The following SH2D4A variants were observed in gnomAD, a reference collection of about 807,000 sequenced individuals.
SH2D4A encodes SH2 domain-containing protein 4A.
SH2D4A carries 70 observed loss-of-function variants against 64.7 expected under a neutral mutation model. The observed-to-expected ratio is 1.08, with a 90% confidence interval of 0.89 to 1.32. The LOEUF is 1.32. SH2D4A is among the 40% of genes most tolerant of loss of function. The pLI is 0.00. For synonymous variants in SH2D4A, 268 were observed against 200.7 expected (o/e 1.34, Z -2.83); for missense variants, 706 against 540.1 (o/e 1.31, Z -3.04).
chr8:19,367,084 A>C (rs950298316), intron 7 of SH2D4A, among the ~76,000 whole-genome samples: 6 of 150,038 alleles, frequency 4.0e-5, no homozygotes, highest in Non-Finnish European at 7.4e-5. Flanking sequence ...AAATGACAGG[A>C]TATTATACTT....
At chr8:19,313,967 A>C (rs1283419987) in intron 1 of SH2D4A, 144 bp downstream of exon 1, 2 of 1,258,042 alleles carry the variant, frequency 1.6e-6, no homozygotes, top group African/African-American at 1.6e-5. Context: ...CCCCGCCTCC[A>C]CCCCTTCGCG....
intron 1 of SH2D4A, among the ~76,000 whole-genome samples, chr8:19,317,993 C>A (rs2052119237): frequency 1.3e-5 from 2 of 152,026 alleles, no homozygotes. Context: ...CCTCTGCGTC[C>A]TAGGTTCAAG....
At chr8:19,341,925 C>T (rs1215009561) in intron 4 of SH2D4A, among the ~76,000 whole-genome samples, 1 of 151,776 alleles carries the variant, frequency 6.6e-6, no homozygotes, top group African/African-American at 2.4e-5. Flanking sequence ...TCAGAATGCA[C>T]TTCTTACCAG....
rs117786890 is a variant in SH2D4A, at chr8:19,393,430, G to A, written c.1161G>A (p.Ser387=). ...RIKGYALSYL[S]EDGCKHFLID... ...AAGGCTATGCCCTGTCCTATCTGTC[G>A]GAGGACGGCTGTAAACATTTCCTCA... is the stretch of plus-strand genomic sequence containing the variant. Residue 387 remains serine, a synonymous_variant, in exon 9 of 10, where the codon TCG becomes TCA. Coordinates refer to ENST00000265807, the MANE Select transcript of SH2D4A (RefSeq NM_022071.4). 6,821 of 1,614,190 alleles carry A rather than the reference G, an allele frequency of 4.2e-3. 17 individuals are homozygous for A. Among genetic ancestry groups the A allele is most frequent in the Non-Finnish European group, 5.3e-3 (6,270 of 1,180,028 alleles).
chr8:19,313,714 G>A lies in SH2D4A; in HGVS notation c.-314G>A, dbSNP rs1176425033. On this transcript the variant is annotated 5_prime_UTR_variant, in exon 1 of 10. Coordinates refer to ENST00000265807, the MANE Select transcript of SH2D4A (RefSeq NM_022071.4). ...CGGAGTATTTGCTCAGCCCGCCTGC[G>A]CCGCTTGGGACGCCTCTGCCTTTCC... is the stretch of plus-strand genomic sequence containing the variant. 8.7e-6 allele frequency: 13 copies of A among 1,489,176 alleles called. No individual in the cohort carries two copies. The highest frequency in any genetic ancestry group is 2.9e-5 in the African/African-American group (2 of 69,034). The allele number at this position is 1,489,176 out of a possible 1,614,324, so 92.2% of individuals were successfully genotyped here.
At chr8:19,379,938 G>A (rs999043045) in intron 8 of SH2D4A, among the ~76,000 whole-genome samples, 3 of 152,020 alleles carry the variant, frequency 2.0e-5, no homozygotes, top group Admixed American at 6.6e-5. Flanking sequence ...ATCTCACTGT[G>A]TTGCTCAGGC....
chr8:19,341,872 A>G (rs960696043), intron 4 of SH2D4A, among the ~76,000 whole-genome samples: 1 of 151,492 alleles, frequency 6.6e-6, no homozygotes, highest in East Asian at 1.9e-4. Flanking sequence ...GATCATCACG[A>G]GAAACTGTGC....
intron 2 of SH2D4A, among the ~76,000 whole-genome samples, chr8:19,325,980 A>G (rs2052272731): frequency 6.6e-6 from 1 of 152,148 alleles, no homozygotes; most frequent in African/African-American, 2.4e-5. Flanking sequence ...GCAACTTCAC[A>G]TCCCTGCTTG....
chr8:19,313,961 G>A lies in SH2D4A; in HGVS notation c.-205+138G>A, dbSNP rs887198205. The A allele has an allele frequency of 4.7e-6, 6 of 1,263,888 alleles. No individual in the cohort carries two copies. The South Asian group carries it at 1.4e-4, about 30-fold the overall frequency. The allele number at this position is 1,263,888 out of a possible 1,614,324, so 78.3% of individuals were successfully genotyped here. A position where few individuals can be genotyped will look rare whatever the true frequency, so the allele number is the denominator to read the frequency against. ...GCGGGCGGGCGGAAGCCTCACCCCC[G>A]CCTCCACCCCTTCGCGGCGCCCGGG... On this transcript the variant is annotated intron_variant, in intron 1 of 9. Transcript: ENST00000265807.
At chr8:19,342,334 A>C (rs2052542258) in intron 4 of SH2D4A, among the ~76,000 whole-genome samples, 2 of 152,228 alleles carry the variant, frequency 1.3e-5, no homozygotes, top group Non-Finnish European at 2.9e-5. Context: ...TTACTTCTTC[A>C]TTATCCTTCC....
At chr8:19,360,429 C>G (rs1365416068) in intron 5 of SH2D4A, among the ~76,000 whole-genome samples, 1 of 151,450 alleles carries the variant, frequency 6.6e-6, no homozygotes, top group Non-Finnish European at 1.5e-5. Context: ...GCCTGGCCAA[C>G]ATGGTGAAAC....
At chr8:19,317,862 T>C (rs2052115699) in intron 1 of SH2D4A, among the ~76,000 whole-genome samples, 1 of 152,192 alleles carries the variant, frequency 6.6e-6, no homozygotes, top group South Asian at 2.1e-4. Flanking sequence ...ATTATTGAGG[T>C]GTTATTATAA....
intron 4 of SH2D4A, among the ~76,000 whole-genome samples, chr8:19,345,444 C>T (rs2052598180): frequency 6.6e-6 from 1 of 152,190 alleles, no homozygotes; most frequent in Non-Finnish European, 1.5e-5. Flanking sequence ...TAAGCCATAC[C>T]ACGAGGTCTA....
intron 4 of SH2D4A, among the ~76,000 whole-genome samples, chr8:19,340,601 CTT>C (rs535915285): frequency 0.094 from 9,423 of 100,500 alleles, 298 homozygotes; most frequent in African/African-American, 0.15. Context: ...TTCTTTCTTT[CTT>C]TTTTTTTTTT....
At chr8:19,337,507 G>C (rs936520652) in intron 4 of SH2D4A, among the ~76,000 whole-genome samples, 2 of 152,088 alleles carry the variant, frequency 1.3e-5, no homozygotes, top group Non-Finnish European at 2.9e-5. Context: ...TAAATCCCAA[G>C]ACAAGTGTCC....
At chr8:19,336,386 A>C (rs1282529579) in intron 4 of SH2D4A, among the ~76,000 whole-genome samples, 3 of 152,146 alleles carry the variant, frequency 2.0e-5, no homozygotes, top group African/African-American at 7.2e-5. Flanking sequence ...TTGGTTTTTC[A>C]TCTCAAGGTC....
At chr8:19,332,423 C>G (rs879621203) in intron 2 of SH2D4A, among the ~76,000 whole-genome samples, 17 of 152,136 alleles carry the variant, frequency 1.1e-4, no homozygotes, top group Non-Finnish European at 1.9e-4. Context: ...ATCACGAGGT[C>G]AGGAGTTCAA....
intron 8 of SH2D4A, among the ~76,000 whole-genome samples, chr8:19,374,225 G>C (rs933587611): frequency 1.3e-5 from 2 of 152,168 alleles, no homozygotes; most frequent in African/African-American, 4.8e-5. Flanking sequence ...GTTGGATCCT[G>C]AGCAGATATC....
chr8:19,340,035 C>T (rs984989275), intron 4 of SH2D4A, among the ~76,000 whole-genome samples: 1 of 152,186 alleles, frequency 6.6e-6, no homozygotes, highest in Non-Finnish European at 1.5e-5. Context: ...GGATAGGTTT[C>T]TGTTCACCCC....
Sources: allele counts gnomAD v4.1 joint callset (sites outside exome capture counted in the v4.1 genomes callset), GRCh38; gene constraint gnomAD v4.1.1; transcripts MANE v1.5; gene names NCBI Gene and HGNC (gene_info 2026-07-23, HGNC 2026-07-21).